Variants in PRPSAP1 observed in about 807,000 individuals in gnomAD.
PRPSAP1 encodes phosphoribosyl pyrophosphate synthetase associated protein 1.
A neutral mutation model predicts 39.4 loss-of-function variants in PRPSAP1; 31 were observed. The observed-to-expected ratio is 0.79, with a 90% CI of 0.59 to 1.06. The LOEUF is 1.06. Ranked by LOEUF, PRPSAP1 falls within the 50% of genes least tolerant of loss-of-function variation. PRPSAP1 has a pLI of 0.00. For missense variants in PRPSAP1, 430 were observed against 511.6 expected, an observed-to-expected ratio of 0.84 and a Z score of 1.54; for synonymous variants, 212 against 192.6, an observed-to-expected ratio of 1.10 and a Z score of -0.83.
chr17:76,341,505 G>A (rs920992176), intron 3 of PRPSAP1, among the ~76,000 whole-genome samples: 1 of 152,148 alleles, frequency 6.6e-6, no homozygotes, highest in African/African-American at 2.4e-5. Context: ...GTGTCTCAAA[G>A]TCCTGGGATT....
intron 7 of PRPSAP1, among the ~76,000 whole-genome samples, chr17:76,316,637 GCTCT>G (rs1280183239): frequency 6.6e-6 from 1 of 152,194 alleles, no homozygotes; most frequent in Admixed American, 6.5e-5. Flanking sequence ...TTTAGATTCT[GCTCT>G]CTCTTTCCAT....
intron 7 of PRPSAP1, among the ~76,000 whole-genome samples, chr17:76,320,972 A>G (rs7225650): frequency 0.3 from 45,918 of 150,886 alleles, 8,244 homozygotes; most frequent in African/African-American, 0.5. Flanking sequence ...TTGTAGAGAC[A>G]AGGTTTCACC....
chr17:76,319,829 A>G (rs1326128332), intron 7 of PRPSAP1, among the ~76,000 whole-genome samples: 1 of 152,190 alleles, frequency 6.6e-6, no homozygotes, highest in Non-Finnish European at 1.5e-5. Flanking sequence ...GGCCAAGTAC[A>G]GTGCTAAGAA....
At chr17:76,329,609 G>A (rs751787799) in intron 6 of PRPSAP1, among the ~76,000 whole-genome samples, 7 of 152,096 alleles carry the variant, frequency 4.6e-5, no homozygotes, top group African/African-American at 7.2e-5. Context: ...GGTGACAGGC[G>A]CCTGTAATCC....
intron 3 of PRPSAP1, among the ~76,000 whole-genome samples, chr17:76,343,816 CAG>C (rs2071466139): frequency 6.6e-6 from 1 of 152,082 alleles, no homozygotes; most frequent in South Asian, 2.1e-4. Context: ...GCCGGGGTGA[CAG>C]AGTGAGACTG....
At chr17:76,336,200 G>A (rs1245399664) in intron 3 of PRPSAP1, among the ~76,000 whole-genome samples, 2 of 152,042 alleles carry the variant, frequency 1.3e-5, no homozygotes, top group East Asian at 1.9e-4. Flanking sequence ...TAATCCGAGA[G>A]GCCAAGACAG....
intron 3 of PRPSAP1, among the ~76,000 whole-genome samples, chr17:76,341,381 G>T (rs995587464): frequency 7.2e-5 from 11 of 151,822 alleles, no homozygotes; most frequent in Admixed American, 3.9e-4. Context: ...CAGACTACAG[G>T]TGCACACCAC....
At position 76,313,015 on chromosome 17, in the gene PRPSAP1, T is replaced by C. The variant is rs781318952; in HGVS notation, c.854A>G (p.Asp285Gly). 1.2e-6 allele frequency: 2 copies of C among 1,613,602 alleles called. No individual in the cohort carries two copies. Among genetic ancestry groups the C allele is most frequent in the South Asian group, 1.1e-5 (1 of 91,048 alleles). ...DVGGRIAIIV[D>G]DIIDDVESFV... ...ACTCTCCACATCGTCAATAATGTCA[T>C]CCTGGGAGGAGAACAGAGTGAGTTG... The change falls in exon 9 of 10, where the codon GAT (aspartate) becomes GGT (glycine). Residue 285 changes from aspartate (D) to glycine (G), a missense_variant and splice_region_variant. Asp to Gly is a moderately conservative substitution (Grantham distance 94). Transcript: ENST00000446526.
chr17:76,317,326 G>A (rs2071135172), intron 7 of PRPSAP1, among the ~76,000 whole-genome samples: 1 of 151,568 alleles, frequency 6.6e-6, no homozygotes, highest in Non-Finnish European at 1.5e-5. Context: ...CTCCAGCCTG[G>A]CCGACAGAGC....
chr17:76,339,662 C>A (rs965633894), intron 3 of PRPSAP1, among the ~76,000 whole-genome samples: 68 of 151,648 alleles, frequency 4.5e-4, no homozygotes, highest in Non-Finnish European at 9.4e-4. Context: ...ACTTCACCAT[C>A]TTCAGGAGAG....
chr17:76,349,559 G>A (rs932490859), intron 1 of PRPSAP1, among the ~76,000 whole-genome samples: 4 of 151,906 alleles, frequency 2.6e-5, no homozygotes. Flanking sequence ...TCAGGAGTTC[G>A]AGACCAGCCT....
chr17:76,311,509 T>TC lies in PRPSAP1; in HGVS notation c.*32dup. On this transcript the variant is annotated 3_prime_UTR_variant, in exon 10 of 10. Coordinates refer to ENST00000446526, the MANE Select transcript of PRPSAP1 (RefSeq NM_002766.3). ...TGGCACTGCTTTTTCCATGTTTCCC[T>TC]CAGGAGGTCCAGGGTCGAGACCCTC... The TC allele has an allele frequency of 6.3e-7, 1 of 1,598,426 alleles. No individual in the cohort carries two copies. Among genetic ancestry groups the TC allele is most frequent in the Non-Finnish European group, 8.5e-7 (1 of 1,173,010 alleles).
chr17:76,323,418 C>T (rs2071219371), intron 7 of PRPSAP1, among the ~76,000 whole-genome samples: 1 of 150,696 alleles, frequency 6.6e-6, no homozygotes, highest in Admixed American at 6.6e-5. Flanking sequence ...CCAAAGTAAA[C>T]TGAAAATCTC....
chr17:76,327,382 C>T (rs1195779436), intron 7 of PRPSAP1, among the ~76,000 whole-genome samples: 3 of 151,264 alleles, frequency 2.0e-5, no homozygotes, highest in East Asian at 1.9e-4. Flanking sequence ...AGGCCGGGCA[C>T]GGTGGCTCAC....
Position 76,353,749 on chromosome 17 carries a change from ACT to A in PRPSAP1, c.-48_-47del. On this transcript the variant is annotated 5_prime_UTR_variant, in exon 1 of 10. Coordinates refer to ENST00000446526, the MANE Select transcript of PRPSAP1 (RefSeq NM_002766.3). ...TACGACCGGCCCCGCGCGGGGCTGC[ACT>A]CTGAGTGCTTCCGACTGCGAGACCC... 1.4e-6 allele frequency: 2 copies of A among 1,407,184 alleles called. No homozygotes were observed. The highest frequency in any genetic ancestry group is 9.2e-7 in the Non-Finnish European group (1 of 1,089,834). The allele number at this position is 1,407,184 out of a possible 1,614,324, so 87.2% of individuals were successfully genotyped here. A position where few individuals can be genotyped will look rare whatever the true frequency, so the allele number is the denominator to read the frequency against.
chr17:76,343,769 A>G (rs2071465617), intron 3 of PRPSAP1, among the ~76,000 whole-genome samples: 1 of 152,090 alleles, frequency 6.6e-6, no homozygotes, highest in Non-Finnish European at 1.5e-5. Flanking sequence ...CAGGAGGTAG[A>G]GGCTGCAGTG....
At chr17:76,341,812 G>A (rs559701705) in intron 3 of PRPSAP1, among the ~76,000 whole-genome samples, 24 of 152,186 alleles carry the variant, frequency 1.6e-4, no homozygotes, top group African/African-American at 3.1e-4. Context: ...GGTGGTGGGC[G>A]CCTGTAGTCC....
At chr17:76,343,545 G>A (rs1328799664) in intron 3 of PRPSAP1, among the ~76,000 whole-genome samples, 2 of 152,202 alleles carry the variant, frequency 1.3e-5, no homozygotes, top group Non-Finnish European at 2.9e-5. Context: ...TCCTTGAGGA[G>A]TTTAAAGCTT....
At chr17:76,352,290 G>A (rs1027058476) in intron 1 of PRPSAP1, among the ~76,000 whole-genome samples, 4 of 152,122 alleles carry the variant, frequency 2.6e-5, no homozygotes, top group African/African-American at 9.7e-5. Context: ...TATGTAGAAA[G>A]GGCATATAAG....
Sources: gnomAD v4.1 joint callset for allele counts (sites outside exome capture counted in the v4.1 genomes callset) on GRCh38, gnomAD v4.1.1 for gene constraint, MANE v1.5 for transcripts, NCBI Gene and HGNC (gene_info 2026-07-23, HGNC 2026-07-21) for gene names.